The following PTPRD variants were observed in gnomAD, a reference collection of about 807,000 sequenced individuals.
PTPRD encodes the protein protein tyrosine phosphatase receptor type D.
Under a neutral mutation model 214.5 loss-of-function variants are expected in PTPRD, and 34 were observed. The ratio of observed to expected loss-of-function variants is 0.16; its 90% CI spans 0.12 to 0.21. PTPRD has a LOEUF of 0.21. Ranked by LOEUF, PTPRD falls within the 10% of genes least tolerant of loss-of-function variation. The pLI, the probability that PTPRD is intolerant of heterozygous loss-of-function variation, is 1.00. For missense variants in PTPRD, 2,545 were observed against 2,398.7 expected (o/e 1.06, Z -1.27); for synonymous variants, 1,128 against 845.7 (o/e 1.33, Z -5.79).
At chr9:9,264,459 C>T (rs1415106872) in intron 9 of PTPRD, among the ~76,000 whole-genome samples, 7 of 151,388 alleles carry the variant, frequency 4.6e-5, no homozygotes, top group African/African-American at 1.7e-4. Flanking sequence ...AATCACTGGT[C>T]ATTTGAAAAT....
At chr9:9,446,048 AT>A (rs770418552) in intron 8 of PTPRD, among the ~76,000 whole-genome samples, 4 of 152,146 alleles carry the variant, frequency 2.6e-5, no homozygotes, top group Non-Finnish European at 5.9e-5. Flanking sequence ...TTTTTAATTC[AT>A]TTGTTTTGGA....
At chr9:10,024,829 G>A (rs1255812000) in intron 4 of PTPRD, among the ~76,000 whole-genome samples, 2 of 131,356 alleles carry the variant, frequency 1.5e-5, no homozygotes, top group Admixed American at 1.8e-4. Flanking sequence ...CCCTTCCTGT[G>A]TCCATGTGTT....
chr9:10,081,939 A>G (rs1294407445), intron 3 of PTPRD, among the ~76,000 whole-genome samples: 2 of 152,052 alleles, frequency 1.3e-5, no homozygotes, highest in African/African-American at 4.8e-5. Context: ...GTGTTTTGTA[A>G]TTAACTAAAA....
chr9:10,147,745 C>T (rs939661559), intron 3 of PTPRD, among the ~76,000 whole-genome samples: 1 of 151,990 alleles, frequency 6.6e-6, no homozygotes, highest in East Asian at 1.9e-4. Flanking sequence ...CCAGGCATTG[C>T]GGCAGGCTCC....
chr9:10,480,986 C>A (rs1401325874), intron 2 of PTPRD, among the ~76,000 whole-genome samples: 1 of 151,408 alleles, frequency 6.6e-6, no homozygotes, highest in Admixed American at 6.6e-5. Flanking sequence ...TGACTCAAGT[C>A]GAGTCAATAA....
At chr9:8,523,129 G>A (rs758610062) in intron 19 of PTPRD, among the ~76,000 whole-genome samples, 3 of 152,234 alleles carry the variant, frequency 2.0e-5, no homozygotes, top group South Asian at 4.1e-4. Flanking sequence ...GGAGAGTTTA[G>A]TCTTCATGCT....
At chr9:10,345,734 T>C (rs1485971778) in intron 2 of PTPRD, among the ~76,000 whole-genome samples, 1 of 152,214 alleles carries the variant, frequency 6.6e-6, no homozygotes, top group African/African-American at 2.4e-5. Context: ...TACGTGTGCA[T>C]ATGTCTTTAT....
chr9:10,186,393 T>G (rs751527903), intron 3 of PTPRD, among the ~76,000 whole-genome samples: 1 of 152,152 alleles, frequency 6.6e-6, no homozygotes, highest in East Asian at 1.9e-4. Flanking sequence ...TTGATTTCAG[T>G]TCTTAAATGA....
intron 5 of PTPRD, among the ~76,000 whole-genome samples, chr9:9,900,643 T>G (rs1032414816): frequency 2.1e-5 from 3 of 143,354 alleles, no homozygotes; most frequent in African/African-American, 5.4e-5. Flanking sequence ...ATTTTCAGGT[T>G]TTTTTTTTTT....
chr9:10,048,855 A>T (rs369296122), intron 3 of PTPRD, among the ~76,000 whole-genome samples: 1 of 151,998 alleles, frequency 6.6e-6, no homozygotes, highest in African/African-American at 2.4e-5. Context: ...CTCCCCAAAG[A>T]TATCTGAATT....
intron 5 of PTPRD, among the ~76,000 whole-genome samples, chr9:9,897,461 C>G (rs1015019415): frequency 6.6e-6 from 1 of 151,790 alleles, no homozygotes; most frequent in African/African-American, 2.4e-5. Flanking sequence ...CTTTAGGAAA[C>G]CAAAAAAAGT....
chr9:9,589,745 T>C (rs1376181834), intron 7 of PTPRD, among the ~76,000 whole-genome samples: 2 of 152,020 alleles, frequency 1.3e-5, no homozygotes, highest in Non-Finnish European at 2.9e-5. Flanking sequence ...AATTATTCCA[T>C]TGGGTATGCA....
intron 12 of PTPRD, among the ~76,000 whole-genome samples, chr9:8,676,104 A>G (rs889016184): frequency 6.6e-6 from 1 of 152,206 alleles, no homozygotes; most frequent in Non-Finnish European, 1.5e-5. Context: ...TGAATAAGTG[A>G]CATTACTCCT....
chr9:10,255,796 T>A (rs1312350731), intron 3 of PTPRD, among the ~76,000 whole-genome samples: 1 of 152,180 alleles, frequency 6.6e-6, no homozygotes, highest in Non-Finnish European at 1.5e-5. Context: ...AGTTTAAGAA[T>A]TTTTTAGTCA....
chr9:8,353,262 T>A (rs907341759), intron 39 of PTPRD, among the ~76,000 whole-genome samples: 5 of 152,200 alleles, frequency 3.3e-5, no homozygotes, highest in Admixed American at 1.3e-4. Flanking sequence ...AATCTCACTC[T>A]CAATACAATC....
chr9:10,129,226 C>T (rs563392077), intron 3 of PTPRD, among the ~76,000 whole-genome samples: 7 of 152,070 alleles, frequency 4.6e-5, no homozygotes, highest in African/African-American at 1.4e-4. Flanking sequence ...TTTACTAGCC[C>T]GAAAGTACCT....
chr9:9,501,070 T>C (rs1288762284), intron 8 of PTPRD, among the ~76,000 whole-genome samples: 1 of 151,272 alleles, frequency 6.6e-6, no homozygotes, highest in Non-Finnish European at 1.5e-5. Context: ...CAAAACACAA[T>C]TCAGGAGAGG....
chr9:8,510,792 C>T (rs10977167), intron 21 of PTPRD, among the ~76,000 whole-genome samples: 23,355 of 151,982 alleles, frequency 0.15, 2,257 homozygotes, highest in African/African-American at 0.28. Context: ...AAGCTGAGGA[C>T]ACAAAGGAAT....
intron 14 of PTPRD, among the ~76,000 whole-genome samples, chr9:8,591,684 C>G (rs556072280): frequency 6.6e-6 from 1 of 152,106 alleles, no homozygotes; most frequent in Non-Finnish European, 1.5e-5. Flanking sequence ...ATTACCAAGT[C>G]TGAGAGTAAT....
Sources: gnomAD v4.1 joint callset for allele counts (sites outside exome capture counted in the v4.1 genomes callset) on GRCh38, gnomAD v4.1.1 for gene constraint, MANE v1.5 for transcripts, NCBI Gene and HGNC (gene_info 2026-07-23, HGNC 2026-07-21) for gene names.